Variants in PKP4 observed in about 807,000 individuals in gnomAD.
PKP4 encodes plakophilin-4.
PKP4 carries 90 observed loss-of-function variants against 145.1 expected under a neutral mutation model. That is an observed-to-expected ratio of 0.62 (90% CI 0.52 to 0.74). PKP4 has a LOEUF of 0.74. Among genes scored for constraint, PKP4 ranks in the 30% least tolerant of loss-of-function variants. The pLI, the probability that PKP4 is intolerant of heterozygous loss-of-function variation, is 0.00. For synonymous variants in PKP4, 563 were observed against 577.2 expected (o/e 0.98, Z 0.35); for missense variants, 1,340 against 1,482.7 (o/e 0.90, Z 1.58).
At chr2:158,571,880 G>A (rs990571613) in intron 2 of PKP4, among the ~76,000 whole-genome samples, 2 of 152,174 alleles carry the variant, frequency 1.3e-5, no homozygotes, top group African/African-American at 4.8e-5. Flanking sequence ...AAAGGAGCGG[G>A]AGTGCAGAGA....
Position 158,634,133 on chromosome 2 carries a change from A to G in PKP4, c.1406A>G (p.Asn469Ser). The change falls in exon 9 of 22, where the codon AAT becomes AGT. Residue 469 changes from asparagine (N) to serine (S), a missense_variant. Physicochemically the swap from Asn to Ser is conservative, Grantham distance 46. Coordinates refer to ENST00000389759, the MANE Select transcript of PKP4 (RefSeq NM_003628.6). ...QRSTLTYQRN[N>S]YALNTTATYA... The stretch of plus-strand genomic sequence containing the variant: ...AGTACCCTTACATACCAAAGAAATA[A>G]TTATGCTCTGAACACAACAGCTACC... 6.2e-7 allele frequency: 1 copy of G among 1,614,134 alleles called. No homozygotes were observed. The highest frequency in any genetic ancestry group is 1.3e-5 in the African/African-American group (1 of 75,052).
intron 2 of PKP4, among the ~76,000 whole-genome samples, chr2:158,574,960 C>T (rs1188229011): frequency 3.3e-5 from 5 of 152,098 alleles, no homozygotes; most frequent in African/African-American, 7.2e-5. Context: ...TCTGTGGGTA[C>T]GTCAATCAAA....
intron 11 of PKP4, among the ~76,000 whole-genome samples, chr2:158,656,592 A>G (rs1165191640): frequency 6.6e-6 from 1 of 152,170 alleles, no homozygotes; most frequent in African/African-American, 2.4e-5. Context: ...AGGGAAACCA[A>G]ATCAGCAAGG....
chr2:158,606,024 A>G (rs2050624956), intron 4 of PKP4, among the ~76,000 whole-genome samples: 1 of 152,174 alleles, frequency 6.6e-6, no homozygotes, highest in African/African-American at 2.4e-5. Context: ...GTTGATGGAC[A>G]TTTAGGTCTT....
intron 2 of PKP4, among the ~76,000 whole-genome samples, chr2:158,568,521 T>G (rs1183059156): frequency 6.6e-6 from 1 of 152,176 alleles, no homozygotes; most frequent in East Asian, 1.9e-4. Context: ...GGCCATGGTT[T>G]ACCCATCATT....
At chr2:158,482,604 G>A (rs1394429213) in intron 1 of PKP4, among the ~76,000 whole-genome samples, 1 of 152,168 alleles carries the variant, frequency 6.6e-6, no homozygotes, top group Non-Finnish European at 1.5e-5. Flanking sequence ...TGGAGGCCAA[G>A]GTGGGAGAAT....
chr2:158,634,036 C>T, intron 8 of PKP4, 34 bp from the exon 9 acceptor site: 1 of 1,178,658 alleles, frequency 8.5e-7, no homozygotes, highest in Non-Finnish European at 1.3e-6. Flanking sequence ...TCATGGAGAA[C>T]ATACTAATCT....
At chr2:158,631,676 G>T in intron 7 of PKP4, 77 bp from the exon 8 acceptor site, 1 of 1,267,798 alleles carries the variant, frequency 7.9e-7, no homozygotes, top group Admixed American at 1.7e-5. Flanking sequence ...CAGGGGTTAG[G>T]AATTTAATTA....
chr2:158,622,210 C>A (rs1320582125), intron 6 of PKP4, among the ~76,000 whole-genome samples: 2 of 152,162 alleles, frequency 1.3e-5, no homozygotes, highest in African/African-American at 4.8e-5. Context: ...CATTTCTTTT[C>A]TTTTACTAGA....
chr2:158,630,074 T>TG (rs2053211864), intron 7 of PKP4, among the ~76,000 whole-genome samples: 2 of 141,774 alleles, frequency 1.4e-5, no homozygotes, highest in Non-Finnish European at 3.2e-5. Context: ...AATGATTTGC[T>TG]ATTTTTTTAA....
intron 1 of PKP4, among the ~76,000 whole-genome samples, chr2:158,505,096 C>G (rs2040846938): frequency 6.6e-6 from 1 of 152,196 alleles, no homozygotes; most frequent in South Asian, 2.1e-4. Context: ...TAATTCTGTT[C>G]TGCTCCTGCT....
At chr2:158,608,808 C>CTTTTTTTTTT (rs66933766) in intron 4 of PKP4, among the ~76,000 whole-genome samples, 52 of 86,182 alleles carry the variant, frequency 6.0e-4, no homozygotes, top group East Asian at 1.7e-3. Flanking sequence ...TCTTTTCTTT[C>CTTTTTTTTTT]TTTTTTTTTT....
At chr2:158,588,721 A>G (rs78505901) in intron 3 of PKP4, among the ~76,000 whole-genome samples, 1 of 152,144 alleles carries the variant, frequency 6.6e-6, no homozygotes, top group South Asian at 2.1e-4. Flanking sequence ...ATAAATCTCA[A>G]ATTATCCAAA....
At chr2:158,484,673 G>GC (rs1302778260) in intron 1 of PKP4, among the ~76,000 whole-genome samples, 2 of 152,218 alleles carry the variant, frequency 1.3e-5, no homozygotes, top group Admixed American at 6.5e-5. Flanking sequence ...ATGACAATCA[G>GC]CCTTTATACC....
chr2:158,525,381 C>G (rs2042825191), intron 1 of PKP4, among the ~76,000 whole-genome samples: 1 of 3,842 alleles, frequency 2.6e-4, no homozygotes, highest in East Asian at 0.015. Context: ...TCCTGAATGA[C>G]TACTGGGTAC....
intron 11 of PKP4, among the ~76,000 whole-genome samples, chr2:158,655,864 G>C (rs2055863105): frequency 6.6e-6 from 1 of 152,222 alleles, no homozygotes; most frequent in South Asian, 2.1e-4. Flanking sequence ...CGTGACTATG[G>C]TTGGCCTCCC....
chr2:158,608,799 C>G (rs368594277), intron 4 of PKP4, among the ~76,000 whole-genome samples: 1 of 89,672 alleles, frequency 1.1e-5, no homozygotes, highest in African/African-American at 3.8e-5. Flanking sequence ...ATCTTATTTT[C>G]TTTTCTTTCT....
At chr2:158,626,808 T>C (rs1446487518) in intron 7 of PKP4, among the ~76,000 whole-genome samples, 2 of 152,226 alleles carry the variant, frequency 1.3e-5, no homozygotes, top group African/African-American at 4.8e-5. Context: ...TTTCATTTTG[T>C]GAAACTACAA....
chr2:158,620,884 A>G (rs950525946), intron 4 of PKP4, 106 bp from the exon 5 acceptor site: 8 of 890,256 alleles, frequency 9.0e-6, no homozygotes, highest in East Asian at 2.5e-5. Context: ...ATAGCCTTGT[A>G]TTAGCATATA....
Sources: gnomAD v4.1 joint callset for allele counts (sites outside exome capture counted in the v4.1 genomes callset) on GRCh38, gnomAD v4.1.1 for gene constraint, MANE v1.5 for transcripts, NCBI Gene and HGNC (gene_info 2026-07-23, HGNC 2026-07-21) for gene names.